The following AAAS variants were observed in gnomAD, a reference collection of about 807,000 sequenced individuals.
The protein encoded by AAAS is aladin WD repeat nucleoporin.
Under a neutral mutation model 75.6 loss-of-function variants are expected in AAAS, and 60 were observed. The observed-to-expected ratio is 0.79, with a 90% CI of 0.64 to 0.98. The LOEUF is 0.98. AAAS is among the 50% of genes least tolerant of loss of function. The pLI, the probability that AAAS is intolerant of heterozygous loss-of-function variation, is 0.00. For missense variants in AAAS, 658 were observed against 686.9 expected, an observed-to-expected ratio of 0.96 and a Z score of 0.47; for synonymous variants, 271 against 265.0, an observed-to-expected ratio of 1.02 and a Z score of -0.22.
At chr12:53,321,025 C>G (rs1336138659) in intron 1 of AAAS, 1 of 541,112 alleles carries the variant, frequency 1.8e-6, no homozygotes, top group African/African-American at 1.9e-5. Context: ...AAAAAAGTTC[C>G]ATGTTGTATC....
chr12:53,321,289 G>C (rs1314976538), intron 1 of AAAS, 54 bp downstream of exon 1: 7 of 1,594,276 alleles, frequency 4.4e-6, no homozygotes, highest in Non-Finnish European at 6.0e-6. Flanking sequence ...TTCCCCAGTA[G>C]TCCCCGACTC....
intron 7 of AAAS, among the ~76,000 whole-genome samples, chr12:53,311,111 T>G (rs1328259361): frequency 6.6e-6 from 1 of 151,910 alleles, no homozygotes; most frequent in African/African-American, 2.4e-5. Flanking sequence ...CCAGCTAGTT[T>G]TTTTATTTTT....
chr12:53,314,562 C>T, intron 6 of AAAS, 121 bp from the exon 7 acceptor site: 3 of 1,455,492 alleles, frequency 2.1e-6, no homozygotes, highest in Non-Finnish European at 2.9e-6. Flanking sequence ...GCCAGGGGCA[C>T]CATAGGACAG....
Position 53,307,656 on chromosome 12 carries a change from G to A in AAAS, c.1474C>T (p.Pro492Ser), listed in dbSNP as rs1944309867. ...IPLYFVNAQF[P>S]RFSPVLGRAQ... is the part of the protein sequence containing the mutation. ...CGCCCAAGCACTGGGCTAAAACGTG[G>A]AAACTGGGCATTGACAAAGTACAGC... The change falls in exon 16 of 16, where the codon CCA (proline) becomes TCA (serine). Residue 492 changes from proline to serine, a missense_variant. By Grantham distance (74) the Pro-to-Ser change is moderately conservative. Transcript: ENST00000209873. 1.9e-6 allele frequency: 3 copies of A among 1,614,212 alleles called. No homozygotes were observed. The highest frequency in any genetic ancestry group is 2.5e-6 in the Non-Finnish European group (3 of 1,180,044).
In AAAS at chr12:53,320,834, G is replaced by A. The variant is rs998472628; in HGVS notation, c.124-142C>T. ...CCATTTCCACAAAGCTAACACTTGTGAGAATGGGAAACAAGTCTTAGCTCC... is the reference window on the plus strand; with the variant it reads ...CCATTTCCACAAAGCTAACACTTGTAAGAATGGGAAACAAGTCTTAGCTCC... On this transcript the variant is annotated intron_variant, in intron 1 of 15. Coordinates refer to ENST00000209873, the MANE Select transcript of AAAS (RefSeq NM_015665.6). The A allele has an allele frequency of 6.3e-6, 6 of 953,420 alleles. No individual in the cohort carries two copies. The African/African-American group carries it at 8.0e-5, about 13-fold the overall frequency. The allele number at this position is 953,420 out of a possible 1,614,324, so 59.1% of individuals were successfully genotyped here. A position where few individuals can be genotyped will look rare whatever the true frequency, so the allele number is the denominator to read the frequency against.
Position 53,308,823 on chromosome 12 carries a change from C to G in AAAS, c.997-8G>C. 1 of 1,613,938 alleles carries G rather than the reference C, an allele frequency of 6.2e-7. No homozygotes were observed. The highest frequency in any genetic ancestry group is 8.5e-7 in the Non-Finnish European group (1 of 1,180,030). ...TGGGCTCCAGCAGCCAGTCTGGGGT[C>G]AGGGAGCAAAAGGCAGGAGAAGGTA... On this transcript the variant is annotated splice_polypyrimidine_tract_variant and splice_region_variant and intron_variant, in intron 10 of 15. Coordinates refer to ENST00000209873, the MANE Select transcript of AAAS (RefSeq NM_015665.6).
intron 7 of AAAS, among the ~76,000 whole-genome samples, chr12:53,313,122 C>G (rs2136808191): frequency 6.8e-6 from 1 of 147,302 alleles, no homozygotes; most frequent in African/African-American, 2.5e-5. Context: ...TCCCAAAGTG[C>G]TGGGATTACA....
chr12:53,320,902 A>C (rs1048732374), intron 1 of AAAS: 2 of 619,108 alleles, frequency 3.2e-6, no homozygotes, highest in African/African-American at 1.8e-5. Context: ...GGTTGCTGTG[A>C]TTATGAAACC....
rs1224852376 is a variant in AAAS at position 53,314,374 on chromosome 12, T to C, written c.613A>G (p.Ser205Gly). The C allele has an allele frequency of 2.5e-6, 4 of 1,614,014 alleles. No individual in the cohort carries two copies. In the East Asian group the frequency reaches 8.9e-5, roughly 36 times the overall value. ...CAGGCCACAGCCAAGACAGAGGCAC[T>C]AAGGGGCTTCCAGGCCAGAGACGCC... is the stretch of plus-strand genomic sequence containing the variant. ...NVASLAWKPL[S>G]ASVLAVACQS... Residue 205 changes from serine (S) to glycine (G), a missense_variant, in exon 7 of 16, where the codon AGT (serine) becomes GGT (glycine). By Grantham distance (56) the Ser-to-Gly change is moderately conservative. Transcript: ENST00000209873.
chr12:53,318,534 G>A (rs1328327020), intron 2 of AAAS, among the ~76,000 whole-genome samples: 1 of 152,072 alleles, frequency 6.6e-6, no homozygotes, highest in African/African-American at 2.4e-5. Flanking sequence ...TTTTAGATGA[G>A]AGAACAAAGG....
rs7960963 is a variant in AAAS, at chr12:53,315,924, G to T, written c.252-142C>A. The T allele has an allele frequency of 0.97, 840,291 of 865,696 alleles. 408,756 individuals carry two copies. The highest frequency in any genetic ancestry group is 0.99 in the Non-Finnish European group (520,033 of 527,628). 53.6% of individuals were successfully genotyped at this position (865,696 alleles called of 1,614,324 possible). On this transcript the variant is annotated intron_variant, in intron 2 of 15. Coordinates refer to ENST00000209873, the MANE Select transcript of AAAS (RefSeq NM_015665.6). ...CCAACTATGTACCAGGCACTCTACG[G>T]GCTGTCCTTTCATTTACATATCTCA... is the stretch of plus-strand genomic sequence containing the variant.
chr12:53,309,530 T>C lies in AAAS; in HGVS notation c.810+71A>G, dbSNP rs548519536. The C allele has an allele frequency of 1.2e-4, 190 of 1,610,494 alleles. 1 individual carries two copies. The African/African-American group carries it at 2.0e-3, about 17-fold the overall frequency. On this transcript the variant is annotated intron_variant, in intron 8 of 15. Transcript: ENST00000209873. ...AAGGTCCCTCCTCCTTCCCCCAAGA[T>C]GTTTCCACAACCGAGTGAGGAACAC... is the stretch of plus-strand genomic sequence containing the variant.
chr12:53,320,234 C>T (rs962132274), intron 2 of AAAS, among the ~76,000 whole-genome samples: 1 of 152,098 alleles, frequency 6.6e-6, no homozygotes, highest in Non-Finnish European at 1.5e-5. Flanking sequence ...TGCTGAGCTT[C>T]AGGTAAAAGC....
intron 2 of AAAS, among the ~76,000 whole-genome samples, chr12:53,316,233 C>T (rs571203891): frequency 4.6e-5 from 7 of 152,112 alleles, no homozygotes; most frequent in South Asian, 2.1e-4. Context: ...GGGTGGATCA[C>T]GAGGTCAGGA....
intron 11 of AAAS, 62 bp from the exon 12 acceptor site, chr12:53,308,590 C>T: frequency 1.2e-6 from 2 of 1,605,716 alleles, no homozygotes; most frequent in South Asian, 1.1e-5. Flanking sequence ...GGTCCCCTGC[C>T]AGCTCACCAA....
chr12:53,308,423 C>T lies in AAAS; in HGVS notation c.1181+12G>A. 1 of 1,614,178 alleles carries T rather than the reference C, an allele frequency of 6.2e-7. No individual in the cohort carries two copies. The highest frequency in any genetic ancestry group is 2.2e-5 in the East Asian group (1 of 44,890). ...TGCTTTTCACTGCCACTCCCTCAAC[C>T]ACTCAGCTCACCTCTCCTCACCATC... On this transcript the variant is annotated intron_variant, in intron 12 of 15. Coordinates refer to ENST00000209873, the MANE Select transcript of AAAS (RefSeq NM_015665.6).
rs1366368470 is a variant in AAAS at position 53,314,428 on chromosome 12, A to G, written c.559T>C (p.Ser187Pro). 1.9e-5 allele frequency: 31 copies of G among 1,613,932 alleles called. No homozygotes were observed. The highest frequency in any genetic ancestry group is 2.6e-5 in the Non-Finnish European group (31 of 1,180,032). The change falls in exon 7 of 16, where the codon TCC becomes CCC. Residue 187 changes from serine to proline, a missense_variant. Coordinates refer to ENST00000209873, the MANE Select transcript of AAAS (RefSeq NM_015665.6). ...VYNASSTIVP[S>P]LKHRLQRNVA... ...TTTCGCTGCAGCCGGTGCTTCAGGG[A>G]GGGGACTATGGTGCTAGGGTGAAGG...
At chr12:53,314,899 C>T (rs1188279851) in intron 5 of AAAS, 50 bp from the exon 6 acceptor site, 2 of 1,560,464 alleles carry the variant, frequency 1.3e-6, no homozygotes, top group Admixed American at 1.8e-5. Context: ...CCTACCCTAG[C>T]CCAGAAGCTC....
At chr12:53,317,137 C>G (rs1223860860) in intron 2 of AAAS, among the ~76,000 whole-genome samples, 1 of 151,056 alleles carries the variant, frequency 6.6e-6, no homozygotes, top group Non-Finnish European at 1.5e-5. Context: ...TAAGAATCTA[C>G]TTCAGGGCCG....
Sources: gnomAD v4.1 joint callset for allele counts (sites outside exome capture counted in the v4.1 genomes callset) on GRCh38, gnomAD v4.1.1 for gene constraint, MANE v1.5 for transcripts, NCBI Gene and HGNC (gene_info 2026-07-23, HGNC 2026-07-21) for gene names.